The following RBFOX1 variants were observed in gnomAD, a reference collection of about 807,000 sequenced individuals.
The protein encoded by RBFOX1 is RNA binding fox-1 homolog 1.
RBFOX1 carries 8 observed loss-of-function variants against 57.7 expected under a neutral mutation model. The ratio of observed to expected loss-of-function variants is 0.14; its 90% CI spans 0.08 to 0.25. The LOEUF (loss-of-function observed/expected upper bound fraction) is 0.25. Among genes scored for constraint, RBFOX1 ranks in the 10% least tolerant of loss-of-function variants. RBFOX1 has a pLI of 1.00. For synonymous variants in RBFOX1, 326 were observed against 222.4 expected (o/e 1.47, Z -4.15); for missense variants, 611 against 548.5 (o/e 1.11, Z -1.14).
At chr16:5,581,434 A>G (rs1312210874) in intron 2 of RBFOX1, among the ~76,000 whole-genome samples, 2 of 152,192 alleles carry the variant, frequency 1.3e-5, no homozygotes, top group Non-Finnish European at 2.9e-5. Context: ...TCCAGTGGCA[A>G]CCTTGGAACA....
At chr16:7,196,306 C>A (rs2086677053) in intron 4 of RBFOX1, among the ~76,000 whole-genome samples, 1 of 152,190 alleles carries the variant, frequency 6.6e-6, no homozygotes, top group African/African-American at 2.4e-5. Flanking sequence ...TCTCCCCTTT[C>A]ATCCTGAAGA....
chr16:6,317,209 G>A (rs2081217057), intron 2 of RBFOX1, among the ~76,000 whole-genome samples, 152 bp downstream of exon 2: 1 of 152,136 alleles, frequency 6.6e-6, no homozygotes, highest in Non-Finnish European at 1.5e-5. Context: ...TTGTATCAGA[G>A]ATGAGAAGAG....
chr16:6,905,552 C>A (rs1396233478), intron 3 of RBFOX1, among the ~76,000 whole-genome samples: 67 of 143,380 alleles, frequency 4.7e-4, no homozygotes, highest in Middle Eastern at 3.6e-3. Flanking sequence ...GACTCCATCT[C>A]AAAAAAAAAA....
At chr16:6,107,030 C>T (rs181228738) in intron 1 of RBFOX1, among the ~76,000 whole-genome samples, 149 of 152,300 alleles carry the variant, frequency 9.8e-4, no homozygotes, top group Non-Finnish European at 1.8e-3. Context: ...TTAGAACATT[C>T]GAGTGAACCA....
intron 3 of RBFOX1, chr16:5,610,360 C>G (rs1187408917): frequency 6.6e-6 from 1 of 152,218 alleles, no homozygotes; most frequent in Admixed American, 6.5e-5. Flanking sequence ...TCACGGGGTT[C>G]TGTTGTCCCC....
intron 1 of RBFOX1, among the ~76,000 whole-genome samples, chr16:5,356,654 G>A (rs2065397695): frequency 6.6e-6 from 1 of 152,072 alleles, no homozygotes. Context: ...AACACCAAAT[G>A]GAAATTAATA....
intron 4 of RBFOX1, among the ~76,000 whole-genome samples, chr16:7,117,816 C>G (rs764291758): frequency 6.6e-6 from 1 of 152,132 alleles, no homozygotes; most frequent in Non-Finnish European, 1.5e-5. Flanking sequence ...AGACTCATCT[C>G]GAACAGGATC....
chr16:5,599,177 G>A, exon 3 of RBFOX1: 2 of 705,532 alleles, frequency 2.8e-6, no homozygotes, highest in Non-Finnish European at 5.2e-6. Flanking sequence ...TACATGGTGT[G>A]AGAGCTGTAT....
chr16:6,259,668 A>G (rs1005132801), intron 1 of RBFOX1, among the ~76,000 whole-genome samples: 1 of 152,086 alleles, frequency 6.6e-6, no homozygotes, highest in African/African-American at 2.4e-5. Context: ...TAAAGATAAA[A>G]ACACTGGGGC....
chr16:6,183,627 C>T (rs954203480), intron 1 of RBFOX1, among the ~76,000 whole-genome samples: 4 of 151,974 alleles, frequency 2.6e-5, no homozygotes, highest in South Asian at 2.1e-4. Context: ...TGTGCAGAAA[C>T]ATGGAGGTGG....
chr16:6,735,380 G>A (rs138036573), intron 3 of RBFOX1, among the ~76,000 whole-genome samples: 8 of 152,156 alleles, frequency 5.3e-5, no homozygotes, highest in Non-Finnish European at 8.8e-5. Flanking sequence ...TACTATTCAG[G>A]GCTTTACTTT....
intron 3 of RBFOX1, among the ~76,000 whole-genome samples, chr16:6,695,429 AAAAAAAAAGGAAAGGAAG>A (rs1872226237): frequency 7.9e-5 from 8 of 101,844 alleles, no homozygotes; most frequent in Middle Eastern, 6.0e-3. Flanking sequence ...AAAAAAAAAA[AAAAAAAAAGGAAAGGAAG>A]GGAAAGGAAA....
intron 3 of RBFOX1, among the ~76,000 whole-genome samples, chr16:5,832,892 T>A (rs1488097480): frequency 6.6e-6 from 1 of 151,670 alleles, no homozygotes; most frequent in Non-Finnish European, 1.5e-5. Context: ...GGTTAAAGGG[T>A]CCTCAGAGAC....
chr16:5,513,539 A>C lies in RBFOX1; in HGVS notation c.258+46285A>C, dbSNP rs561314848. Among the ~76,000 whole-genome samples, 18 of 152,356 alleles carry C rather than the reference A, an allele frequency of 1.2e-4. No individual in the cohort carries two copies. In the South Asian group the frequency reaches 2.3e-3, roughly 19 times the overall value. On this transcript the variant is annotated intron_variant, in intron 2 of 2. Transcript: ENST00000585867. ...TCTTTGGGAGGAAGTCAATATGAGC[A>C]GCTCACATTTGAAGAGTGGGGATTT... is the stretch of plus-strand genomic sequence containing the variant.
intron 3 of RBFOX1, among the ~76,000 whole-genome samples, chr16:6,958,146 A>G (rs1211684830): frequency 1.3e-5 from 2 of 152,092 alleles, no homozygotes; most frequent in Non-Finnish European, 2.9e-5. Flanking sequence ...TTGAGAAGCA[A>G]GGGGAGGGGA....
At chr16:6,264,171 T>G (rs1419802076) in intron 1 of RBFOX1, among the ~76,000 whole-genome samples, 1 of 152,202 alleles carries the variant, frequency 6.6e-6, no homozygotes, top group Non-Finnish European at 1.5e-5. Flanking sequence ...GCAATTTGTT[T>G]GGTTTTTCAG....
chr16:5,288,277 C>G (rs1289709364), intron 1 of RBFOX1, among the ~76,000 whole-genome samples: 1 of 152,158 alleles, frequency 6.6e-6, no homozygotes, highest in African/African-American at 2.4e-5. Flanking sequence ...TATTTGCATA[C>G]CACAAAGAAG....
chr16:5,955,659 C>T (rs920177051), intron 4 of RBFOX1, among the ~76,000 whole-genome samples: 1 of 152,106 alleles, frequency 6.6e-6, no homozygotes, highest in Non-Finnish European at 1.5e-5. Context: ...GAGGGAAAAA[C>T]TGATAGACTT....
chr16:7,703,813 C>T lies in RBFOX1; in HGVS notation c.996-5243C>T, dbSNP rs185483518. Among the ~76,000 whole-genome samples the T allele has an allele frequency of 9.8e-5, 15 of 152,332 alleles. No individual in the cohort carries two copies. The East Asian group carries it at 1.9e-3, about 20-fold the overall frequency. On this transcript the variant is annotated intron_variant, in intron 14 of 15. Coordinates refer to ENST00000550418, the MANE Select transcript of RBFOX1 (RefSeq NM_018723.4). ...CAAGTAAGTATATCCATTTGAACTACATCTGTAACTCATAAATTAGATCTC... is the reference window on the plus strand; with the variant it reads ...CAAGTAAGTATATCCATTTGAACTATATCTGTAACTCATAAATTAGATCTC...
Sources: allele counts gnomAD v4.1 joint callset (sites outside exome capture counted in the v4.1 genomes callset), GRCh38; gene constraint gnomAD v4.1.1; transcripts MANE v1.5; gene names NCBI Gene and HGNC (gene_info 2026-07-23, HGNC 2026-07-21).